Variants in TCF4 observed in about 807,000 individuals in gnomAD.
TCF4 encodes the protein SL3-3 enhancer factor 2.
In TCF4, 3 loss-of-function variants were observed where a neutral mutation model predicts 82.1. The ratio of observed to expected loss-of-function variants is 0.04; its 90% CI spans 0.02 to 0.09. The LOEUF is 0.09. Ranked by LOEUF, TCF4 falls within the 10% of genes least tolerant of loss-of-function variation. The probability of loss-of-function intolerance (pLI) is 1.00; values close to 1 mark genes in which losing one functional copy is unlikely to be tolerated. For synonymous variants in TCF4, 276 were observed against 309.6 expected (o/e 0.89, Z 1.14); for missense variants, 518 against 852.7 (o/e 0.61, Z 4.89).
At position 55,594,773 on chromosome 18, in the gene TCF4, A is replaced by G. The variant is rs371652772; in HGVS notation, c.287-7637T>C. Among the ~76,000 whole-genome samples the G allele has an allele frequency of 6.6e-5, 10 of 152,172 alleles. No homozygotes were observed. The East Asian group carries it at 1.7e-3, about 26-fold the overall frequency. On this transcript the variant is annotated intron_variant, in intron 2 of 20. Transcript: ENST00000398339. Reference sequence around the variant, plus strand: ...GTCATCGTACTGCTTCACTATTATAACATTTTAACATTTTACAGAGGAGGA... The same window carrying G: ...GTCATCGTACTGCTTCACTATTATAGCATTTTAACATTTTACAGAGGAGGA...
chr18:55,472,587 C>T (rs1296228148), intron 3 of TCF4, among the ~76,000 whole-genome samples: 1 of 152,076 alleles, frequency 6.6e-6, no homozygotes, highest in Non-Finnish European at 1.5e-5. Flanking sequence ...AAGAGTATAA[C>T]GTGAACTATA....
chr18:55,577,130 T>TTATATATACATTTATATATG lies in TCF4; in HGVS notation c.145+8149_145+8150insCATATATAAATGTATATATA, dbSNP rs1568443000. 1.1e-4 allele frequency among the ~76,000 whole-genome samples: 13 copies of TTATATATACATTTATATATG among 123,698 alleles called. No individual in the cohort carries two copies. In the East Asian group the frequency reaches 4.2e-3, roughly 40 times the overall value. 81.2% of individuals were successfully genotyped at this position (123,698 alleles called of 152,430 possible). A position where few individuals can be genotyped will look rare whatever the true frequency, so the allele number is the denominator to read the frequency against. Reference sequence around the variant, plus strand: ...TATATGTATATATACATTTATATATTTATATATACATTTATATATTTATAT... The same window carrying TTATATATACATTTATATATG: ...TATATGTATATATACATTTATATATTTATATATACATTTATATATGTATATATACATTTATATATTTATAT... On this transcript the variant is annotated intron_variant, in intron 3 of 19. Transcript: ENST00000354452.
chr18:55,347,694 G>A (rs1032301939), intron 8 of TCF4, among the ~76,000 whole-genome samples: 2 of 152,140 alleles, frequency 1.3e-5, no homozygotes, highest in Non-Finnish European at 2.9e-5. Context: ...TACCACAGGC[G>A]TGTCACAAAT....
intron 2 of TCF4, among the ~76,000 whole-genome samples, chr18:55,604,330 T>G (rs958352279): frequency 6.6e-6 from 1 of 151,976 alleles, no homozygotes; most frequent in African/African-American, 2.4e-5. Context: ...GGACACACAC[T>G]AGGAAGTTTT....
At position 55,270,093 on chromosome 18, in the gene TCF4, A is replaced by G. The variant is rs551036424; in HGVS notation, c.790-130T>C. 3,487 of 1,175,920 alleles carry G rather than the reference A, an allele frequency of 3.0e-3. 7 individuals are homozygous for G. Among genetic ancestry groups the G allele is most frequent in the Non-Finnish European group, 3.7e-3 (2,966 of 801,578 alleles). The allele number at this position is 1,175,920 out of a possible 1,614,324, so 72.8% of individuals were successfully genotyped here. A position where few individuals can be genotyped will look rare whatever the true frequency, so the allele number is the denominator to read the frequency against. On this transcript the variant is annotated intron_variant, in intron 10 of 19. Transcript: ENST00000354452. ...CTTTTAGAATTTCAAAATAGCCAAG[A>G]ATATATCTTGTTTAGATCTGACAGC...
chr18:55,455,263 C>G lies in TCF4; in HGVS notation c.304+5756G>C, dbSNP rs552401434. Among the ~76,000 whole-genome samples the G allele has an allele frequency of 1.4e-4, 21 of 147,376 alleles. No individual in the cohort carries two copies. The South Asian group carries it at 4.2e-3, about 29-fold the overall frequency. On this transcript the variant is annotated intron_variant, in intron 5 of 19. Transcript: ENST00000354452. Reference sequence around the variant, plus strand: ...AAGGAAGAAGTAGAAGAAAGAAAAACTGAGTTCTCCTGACTCCTGACTACC... The same window carrying G: ...AAGGAAGAAGTAGAAGAAAGAAAAAGTGAGTTCTCCTGACTCCTGACTACC...
chr18:55,617,945 CTCT>C (rs1444259203), intron 2 of TCF4, among the ~76,000 whole-genome samples: 5 of 151,666 alleles, frequency 3.3e-5, no homozygotes, highest in Non-Finnish European at 7.4e-5. Context: ...TTATTTCCTG[CTCT>C]TGTATAATTG....
chr18:55,371,262 C>T (rs1422063025), intron 6 of TCF4, among the ~76,000 whole-genome samples: 2 of 152,122 alleles, frequency 1.3e-5, no homozygotes, highest in African/African-American at 4.8e-5. Context: ...GATCAGAGGG[C>T]AGGAAAGAGT....
chr18:55,273,804 GT>G (rs1316572927), intron 10 of TCF4, among the ~76,000 whole-genome samples: 2 of 152,182 alleles, frequency 1.3e-5, no homozygotes, highest in East Asian at 3.9e-4. Context: ...TCATAATATT[GT>G]TTTGGTTCTG....
chr18:55,441,637 T>C (rs2095440115), intron 5 of TCF4, among the ~76,000 whole-genome samples: 1 of 152,196 alleles, frequency 6.6e-6, no homozygotes, highest in Admixed American at 6.5e-5. Context: ...CCAGTAAATT[T>C]GTTATTTTCA....
chr18:55,244,249 G>C (rs928454155), intron 15 of TCF4, among the ~76,000 whole-genome samples: 2 of 151,984 alleles, frequency 1.3e-5, no homozygotes, highest in Non-Finnish European at 2.9e-5. Context: ...TTGCCAAGTC[G>C]GGTCTCTTTT....
chr18:55,246,542 G>C (rs1295445349), intron 15 of TCF4, among the ~76,000 whole-genome samples: 1 of 151,984 alleles, frequency 6.6e-6, no homozygotes, highest in South Asian at 2.1e-4. Context: ...CTTTTCTTAG[G>C]GGCTGCTGAA....
intron 5 of TCF4, among the ~76,000 whole-genome samples, chr18:55,449,476 G>A (rs1178466265): frequency 6.6e-6 from 1 of 152,212 alleles, no homozygotes. Context: ...TTCTGAAGGA[G>A]ACAGGGTCAC....
At chr18:55,449,181 C>G (rs149310917) in intron 5 of TCF4, among the ~76,000 whole-genome samples, 1 of 152,052 alleles carries the variant, frequency 6.6e-6, no homozygotes, top group Non-Finnish European at 1.5e-5. Flanking sequence ...AAGATCATTT[C>G]GTAAACTATT....
intron 8 of TCF4, among the ~76,000 whole-genome samples, chr18:55,283,920 G>C (rs886353444): frequency 1.3e-5 from 2 of 152,088 alleles, no homozygotes; most frequent in East Asian, 1.9e-4. Flanking sequence ...TGTCTTTCCA[G>C]GTTGCACATT....
At chr18:55,407,846 T>C (rs1016487721) in intron 5 of TCF4, among the ~76,000 whole-genome samples, 1 of 152,094 alleles carries the variant, frequency 6.6e-6, no homozygotes, top group Non-Finnish European at 1.5e-5. Context: ...TTCCGATACA[T>C]CCATGGTATC....
At chr18:55,365,193 G>GTGTGTGTGTGTGTGTGTATATATA (rs2086637481) in intron 6 of TCF4, among the ~76,000 whole-genome samples, 1 of 87,942 alleles carries the variant, frequency 1.1e-5, no homozygotes, top group African/African-American at 4.5e-5. Flanking sequence ...ATATATATAT[G>GTGTGTGTGTGTGTGTGTATATATA]TGTGTGTGTG....
intron 3 of TCF4, among the ~76,000 whole-genome samples, chr18:55,496,835 G>T (rs954695870): frequency 8.3e-5 from 12 of 144,650 alleles, no homozygotes; most frequent in African/African-American, 1.5e-4. Context: ...CTGAAACACA[G>T]CAGTCTACAA....
chr18:55,588,048 C>A lies in TCF4; in HGVS notation c.-31G>T. ...GGCGCCGGTACCTACCGCCCGCGCG[C>A]GAGAAGGGGCTCTCCGTGCACCGCC... On this transcript the variant is annotated 5_prime_UTR_variant, in exon 1 of 20. Coordinates refer to ENST00000354452, the MANE Select transcript of TCF4 (RefSeq NM_001083962.2). The A allele has an allele frequency of 2.0e-6, 2 of 983,426 alleles. No homozygotes were observed. Among genetic ancestry groups the A allele is most frequent in the Non-Finnish European group, 2.4e-6 (2 of 829,324 alleles). 60.9% of individuals were successfully genotyped at this position (983,426 alleles called of 1,614,324 possible).
Sources: gnomAD v4.1 joint callset for allele counts (sites outside exome capture counted in the v4.1 genomes callset) on GRCh38, gnomAD v4.1.1 for gene constraint, MANE v1.5 for transcripts, NCBI Gene and HGNC (gene_info 2026-07-23, HGNC 2026-07-21) for gene names.